The following PIF1 variants were observed in gnomAD, a reference collection of about 807,000 sequenced individuals.
PIF1 encodes PIF1 5'-to-3' DNA helicase, also known as ATP-dependent DNA helicase PIF1.
A neutral mutation model predicts 62.3 loss-of-function variants in PIF1; 67 were observed. That is an observed-to-expected ratio of 1.08 (90% CI 0.88 to 1.32). The LOEUF is 1.32. Ranked by LOEUF, PIF1 falls within the 40% of genes most tolerant of loss-of-function variation. The pLI, the probability that PIF1 is intolerant of heterozygous loss-of-function variation, is 0.00. For synonymous variants in PIF1, 364 were observed against 379.5 expected, an observed-to-expected ratio of 0.96 and a Z score of 0.47; for missense variants, 886 against 866.1, an observed-to-expected ratio of 1.02 and a Z score of -0.29.
In PIF1 at chr15:64,821,091, G is replaced by A. The variant is rs200198461; in HGVS notation, c.1087-3C>T. The A allele has an allele frequency of 1.5e-4, 245 of 1,613,614 alleles. No individual in the cohort carries two copies. Among genetic ancestry groups the A allele is most frequent in the Middle Eastern group, 1.2e-3 (7 of 6,082 alleles). On this transcript the variant is annotated splice_region_variant and splice_polypyrimidine_tract_variant and intron_variant, in intron 6 of 12. Coordinates refer to ENST00000559239, the MANE Select transcript of PIF1 (RefSeq NM_001286496.2). ...ACACACCTCTTCCAGCTCTTGGACTGGTGGGGGCAGGGTGGGGGTGGGTCA... is the reference window on the plus strand; with the variant it reads ...ACACACCTCTTCCAGCTCTTGGACTAGTGGGGGCAGGGTGGGGGTGGGTCA...
chr15:64,821,263 G>C lies in PIF1; in HGVS notation c.990C>G (p.Asn330Lys), dbSNP rs763361646. 2 of 1,614,194 alleles carry C rather than the reference G, an allele frequency of 1.2e-6. No individual in the cohort carries two copies. Among genetic ancestry groups the C allele is most frequent in the South Asian group, 1.1e-5 (1 of 91,090 alleles). The change falls in exon 6 of 13, where the codon AAC (asparagine) becomes AAG (lysine). Residue 330 changes from asparagine (N) to lysine (K), a missense_variant. Transcript: ENST00000559239. Reference sequence around the variant, plus strand: ...TGAGCTGGATCCCTCCGAATGGCTTGTTCTGCTGCCGGACAGCTCTGGAGA... The same window carrying C: ...TGAGCTGGATCCCTCCGAATGGCTTCTTCTGCTGCCGGACAGCTCTGGAGA... Reference protein sequence around the residue: ...EAVARAVRQQNKPFGGIQLII... With the variant: ...EAVARAVRQQKKPFGGIQLII...
At position 64,817,970 on chromosome 15, in the gene PIF1, C is replaced by T; in HGVS notation, c.1650G>A (p.Trp550Ter). 1 of 1,613,310 alleles carries T rather than the reference C, an allele frequency of 6.2e-7. No homozygotes were observed. The highest frequency in any genetic ancestry group is 8.5e-7 in the Non-Finnish European group (1 of 1,179,752). Residue 550 changes from tryptophan to a stop codon, truncating the protein, a stop_gained, in exon 11 of 13, where the codon TGG (tryptophan) becomes TGA (stop). Transcript: ENST00000559239. LOFTEE classifies it high-confidence loss of function. ...SRQQLPLQLA[W>*]AMSIHKSQGM... is the part of the protein sequence containing the mutation. ...CTTGGCTCTTGTGGATGGACATCGC[C>T]CAGGCCAGCTGGAGGGGCAGCTGCT...
At position 64,824,243 on chromosome 15, in the gene PIF1, C is replaced by G; in HGVS notation, c.93G>C (p.Gln31His). 7.6e-7 allele frequency: 1 copy of G among 1,314,992 alleles called. No individual in the cohort carries two copies. The highest frequency in any genetic ancestry group is 9.7e-7 in the Non-Finnish European group (1 of 1,026,398). The allele number at this position is 1,314,992 out of a possible 1,614,324, so 81.5% of individuals were successfully genotyped here. ...TGCGCAGGGCCTGGCGCCTTCGCGG[C>G]TGCCCGCCCGGGCTCAGCTCCTCCA... ...VAVEELSPGG[Q>H]PRRRQALRTA... Residue 31 changes from glutamine (Q) to histidine (H), a missense_variant, in exon 2 of 13, where the codon CAG (glutamine) becomes CAC (histidine). Coordinates refer to ENST00000559239, the MANE Select transcript of PIF1 (RefSeq NM_001286496.2).
chr15:64,818,333 C>T lies in PIF1; in HGVS notation c.1452G>A (p.Val484=). 6.2e-7 allele frequency: 1 copy of T among 1,614,072 alleles called. No individual in the cohort carries two copies. The highest frequency in any genetic ancestry group is 1.3e-5 in the African/African-American group (1 of 75,012). The change falls in exon 10 of 13, where the codon GTG becomes GTA. Residue 484 remains valine, a synonymous_variant. Transcript: ENST00000559239. ...GGCCCCGAGACACCGATAAGTTTTT[C>T]ACCAGCATCACCTGCAAGGGAGAGA... ...QLKLGAQVML[V]KNLSVSRGLV...
intron 7 of PIF1, among the ~76,000 whole-genome samples, chr15:64,820,479 C>T (rs946991648): frequency 1.3e-5 from 2 of 152,254 alleles, no homozygotes; most frequent in African/African-American, 4.8e-5. Context: ...TCACTGCAAC[C>T]TCTGCCTCCC....
intron 2 of PIF1, 28 bp downstream of exon 2, chr15:64,823,749 TA>T: frequency 7.7e-7 from 1 of 1,302,340 alleles, no homozygotes; most frequent in Non-Finnish European, 9.8e-7. Context: ...CATCTACTCC[TA>T]AAGGTGTCCC....
upstream of PIF1, among the ~76,000 whole-genome samples, chr15:64,826,709 CATATATATAT>C (rs1222729611): frequency 2.2e-5 from 3 of 134,612 alleles, no homozygotes; most frequent in African/African-American, 8.5e-5. Context: ...TATACACACA[CATATATATAT>C]ACACACACAT....
At chr15:64,822,166 C>A (rs570383781) in intron 4 of PIF1, 100 bp downstream of exon 4, 32 of 1,481,862 alleles carry the variant, frequency 2.2e-5, no homozygotes, top group Non-Finnish European at 2.6e-5. Context: ...TGAGCCACGG[C>A]GCCCAGCCCC....
rs1471584152 is a variant in PIF1 at position 64,823,986 on chromosome 15, A to C, written c.350T>G (p.Leu117Arg). Residue 117 changes from leucine (L) to arginine (R), a missense_variant, in exon 2 of 13, where the codon CTG becomes CGG. Leu to Arg is a moderately radical substitution (Grantham distance 102). Transcript: ENST00000559239. ...AGCCAGCTTGAGGCGCAATGTGCGC[A>C]GGAAGCGGCGCAGGCGGTCTGGGGG... The part of the protein sequence containing the change: ...DCPPDRLRRF[L>R]RTLRLKLAAA... The C allele has an allele frequency of 7.7e-7, 1 of 1,300,898 alleles. No homozygotes were observed. The highest frequency in any genetic ancestry group is 1.5e-5 in the African/African-American group (1 of 65,030). 80.6% of individuals were successfully genotyped at this position (1,300,898 alleles called of 1,614,324 possible). A position where few individuals can be genotyped will look rare whatever the true frequency, so the allele number is the denominator to read the frequency against.
Position 64,823,892 on chromosome 15 carries a change from G to T in PIF1, c.444C>A (p.Val148=). The T allele has an allele frequency of 7.2e-7, 1 of 1,384,010 alleles. No individual in the cohort carries two copies. 85.7% of individuals were successfully genotyped at this position (1,384,010 alleles called of 1,614,324 possible). Residue 148 remains valine, a synonymous_variant, in exon 2 of 13, where the codon GTC becomes GTA. Transcript: ENST00000559239. ...QLLGPRPRDF[V]TISPVQPEER... is the part of the protein sequence containing the mutation. ...CCTCGGGCTGCACAGGGCTGATGGT[G>T]ACGAAGTCGCGGGGCCGCGGGCCCA...
At chr15:64,826,848 C>T (rs1387071506), upstream of PIF1, among the ~76,000 whole-genome samples, 1 of 151,116 alleles carries the variant, frequency 6.6e-6, no homozygotes, top group Non-Finnish European at 1.5e-5. Context: ...ACCGTGGCCT[C>T]CCGAAGTCCT....
intron 4 of PIF1, chr15:64,821,889 G>T: frequency 3.5e-6 from 1 of 283,906 alleles, no homozygotes; most frequent in Non-Finnish European, 6.6e-6. Flanking sequence ...ACAGGCGCTT[G>T]CCACCATGCC....
chr15:64,818,280 AC>A lies in PIF1; in HGVS notation c.1504del (p.Val502LeufsTer59). The part of the protein sequence containing the change: ...GLVNGARGVV[V>X]GFEAEGRGLP... Reference sequence around the variant, plus strand: ...ACCTCTCCCTTCTGCCTCGAACCCAACTACCACCCCTCGGGCACCATTCACC... The same window carrying A: ...ACCTCTCCCTTCTGCCTCGAACCCAATACCACCCCTCGGGCACCATTCACC... On this transcript the variant is annotated frameshift_variant, in exon 10 of 13. Coordinates refer to ENST00000559239, the MANE Select transcript of PIF1 (RefSeq NM_001286496.2). LOFTEE classifies it high-confidence loss of function. 6.2e-7 allele frequency: 1 copy of A among 1,613,930 alleles called. No individual in the cohort carries two copies. Among genetic ancestry groups the A allele is most frequent in the Non-Finnish European group, 8.5e-7 (1 of 1,179,974 alleles).
chr15:64,822,239 G>A (rs2084299611), intron 4 of PIF1, 27 bp downstream of exon 4: 1 of 1,599,830 alleles, frequency 6.3e-7, no homozygotes, highest in Non-Finnish European at 8.5e-7. Context: ...CTTGCTCTTA[G>A]CTCAAGCCCT....
chr15:64,826,669 C>T (rs112001454), upstream of PIF1, among the ~76,000 whole-genome samples: 4,349 of 74,602 alleles, frequency 0.058, 259 homozygotes, highest in African/African-American at 0.12. Context: ...TATATATACA[C>T]ACACACACAC....
chr15:64,818,328 T>G lies in PIF1; in HGVS notation c.1457A>C (p.Asn486Thr). ...KLGAQVMLVK[N>T]LSVSRGLVNG... is the part of the protein sequence containing the mutation. ...CACCAGGCCCCGAGACACCGATAAG[T>G]TTTTCACCAGCATCACCTGCAAGGG... Residue 486 changes from asparagine (N) to threonine (T), a missense_variant, in exon 10 of 13, where the codon AAC becomes ACC. Asn to Thr is a moderately conservative substitution (Grantham distance 65). Transcript: ENST00000559239. The G allele has an allele frequency of 6.2e-7, 1 of 1,613,276 alleles. No homozygotes were observed. The highest frequency in any genetic ancestry group is 8.5e-7 in the Non-Finnish European group (1 of 1,179,780).
intron 8 of PIF1, 58 bp from the exon 9 acceptor site, chr15:64,819,281 C>A: frequency 1.8e-6 from 2 of 1,128,238 alleles, no homozygotes; most frequent in South Asian, 2.9e-5. Context: ...ACTCAGCATC[C>A]CAAAAAAGAC....
At chr15:64,820,121 C>T in intron 7 of PIF1, 135 bp from the exon 8 acceptor site, 3 of 1,139,128 alleles carry the variant, frequency 2.6e-6, no homozygotes, top group East Asian at 2.4e-5. Flanking sequence ...AGAGTTGCTG[C>T]CCCCTCAAGC....
At chr15:64,819,399 C>T (rs1218777157) in intron 8 of PIF1, among the ~76,000 whole-genome samples, 176 bp from the exon 9 acceptor site, 4 of 152,168 alleles carry the variant, frequency 2.6e-5, no homozygotes, top group East Asian at 3.8e-4. Context: ...CAACCTCTGC[C>T]TCCTGGGTTC....
Sources: gnomAD v4.1 joint callset for allele counts (sites outside exome capture counted in the v4.1 genomes callset) on GRCh38, gnomAD v4.1.1 for gene constraint, MANE v1.5 for transcripts, NCBI Gene and HGNC (gene_info 2026-07-23, HGNC 2026-07-21) for gene names.